LRP1B: variants seen among roughly 807,000 people sequenced by gnomAD.
LRP1B encodes the protein LDL receptor related protein 1B, also known as low-density lipoprotein receptor-related protein 1B.
In LRP1B, 217 loss-of-function variants were observed where a neutral mutation model predicts 556.6. That is an observed-to-expected ratio of 0.39 (90% CI 0.35 to 0.44). LRP1B has a LOEUF of 0.44. Among genes scored for constraint, LRP1B ranks in the 20% least tolerant of loss-of-function variants. The pLI is 1.00. For synonymous variants in LRP1B, 2,047 were observed against 1,865.8 expected, an observed-to-expected ratio of 1.10 and a Z score of -2.50; for missense variants, 5,053 against 5,620.8, an observed-to-expected ratio of 0.90 and a Z score of 3.23.
intron 32 of LRP1B, among the ~76,000 whole-genome samples, chr2:140,779,031 G>T (rs1307666715): frequency 2.6e-5 from 4 of 151,492 alleles, no homozygotes; most frequent in Admixed American, 2.6e-4. Flanking sequence ...CTAATAATAT[G>T]TGGGTTATGT....
chr2:140,828,757 T>C lies in LRP1B; in HGVS notation c.5209+11234A>G, dbSNP rs1573773704. On this transcript the variant is annotated intron_variant, in intron 31 of 90. Coordinates refer to ENST00000389484, the MANE Select transcript of LRP1B (RefSeq NM_018557.3). ...GTGAACCGAGATCGCGCCACTGCAC[T>C]CCAGCCTGGGCGACAGAGCGAGACT... is the stretch of plus-strand genomic sequence containing the variant. 4.6e-5 allele frequency among the ~76,000 whole-genome samples: 2 copies of C among 43,228 alleles called. 1 individual carries two copies. The highest frequency in any genetic ancestry group is 3.1e-3 in the South Asian group (2 of 640). 28.4% of individuals were successfully genotyped at this position (43,228 alleles called of 152,430 possible).
intron 79 of LRP1B, among the ~76,000 whole-genome samples, chr2:140,326,461 C>G (rs1266614998): frequency 6.7e-6 from 1 of 149,260 alleles, no homozygotes; most frequent in Non-Finnish European, 1.5e-5. Context: ...TGTGGTGGCT[C>G]ACGCCTGTAA....
At chr2:141,342,243 CAAAAAA>C (rs759719074) in intron 3 of LRP1B, among the ~76,000 whole-genome samples, 5 of 110,614 alleles carry the variant, frequency 4.5e-5, no homozygotes, top group African/African-American at 1.6e-4. Flanking sequence ...GACTCCATCT[CAAAAAA>C]AAAAAAAATA....
chr2:141,382,980 G>T (rs575754004), intron 3 of LRP1B, among the ~76,000 whole-genome samples: 1 of 152,254 alleles, frequency 6.6e-6, no homozygotes, highest in East Asian at 1.9e-4. Flanking sequence ...CCTTGCTTCC[G>T]ATAGAGGATC....
chr2:141,027,730 A>G (rs959745647), intron 11 of LRP1B, among the ~76,000 whole-genome samples: 1 of 152,146 alleles, frequency 6.6e-6, no homozygotes, highest in Non-Finnish European at 1.5e-5. Flanking sequence ...CCTAATTCAC[A>G]TGGTGAAATC....
At chr2:141,931,786 C>A (rs190904849) in intron 1 of LRP1B, among the ~76,000 whole-genome samples, 14 of 151,940 alleles carry the variant, frequency 9.2e-5, no homozygotes, top group Admixed American at 4.6e-4. Flanking sequence ...GCAAAAAGAA[C>A]CTGATTTCAA....
At chr2:140,819,689 T>C (rs1230093711) in intron 31 of LRP1B, among the ~76,000 whole-genome samples, 2 of 152,188 alleles carry the variant, frequency 1.3e-5, no homozygotes, top group South Asian at 2.1e-4. Context: ...AAAATTGTTA[T>C]AAACAACCTA....
chr2:140,559,217 A>G (rs1553486404), intron 43 of LRP1B, among the ~76,000 whole-genome samples: 1 of 152,044 alleles, frequency 6.6e-6, no homozygotes, highest in Non-Finnish European at 1.5e-5. Flanking sequence ...TTTTTTTTTA[A>G]CAACCGAAAA....
intron 66 of LRP1B, among the ~76,000 whole-genome samples, chr2:140,414,348 T>C (rs1685088689): frequency 6.6e-6 from 1 of 152,142 alleles, no homozygotes; most frequent in South Asian, 2.1e-4. Context: ...TACAACTAAA[T>C]CTCTGATCTA....
chr2:141,326,199 C>T (rs948750124), intron 3 of LRP1B, among the ~76,000 whole-genome samples: 1 of 151,906 alleles, frequency 6.6e-6, no homozygotes, highest in South Asian at 2.1e-4. Flanking sequence ...ATGTGCTTGT[C>T]AAGAATGGAT....
At chr2:141,620,474 C>A (rs1395638737) in intron 2 of LRP1B, among the ~76,000 whole-genome samples, 1 of 152,102 alleles carries the variant, frequency 6.6e-6, no homozygotes, top group Admixed American at 6.6e-5. Context: ...ATAGAAATGG[C>A]ATGTAGAAGA....
intron 41 of LRP1B, among the ~76,000 whole-genome samples, chr2:140,693,140 A>G (rs577325388): frequency 1.3e-4 from 20 of 152,144 alleles, no homozygotes; most frequent in Non-Finnish European, 2.6e-4. Context: ...ATTGTTTTTT[A>G]TTGGTAATAT....
intron 11 of LRP1B, among the ~76,000 whole-genome samples, chr2:141,044,960 C>T (rs1316387092): frequency 1.3e-5 from 2 of 150,448 alleles, no homozygotes; most frequent in African/African-American, 4.9e-5. Context: ...GCTATAAAGA[C>T]ACAGGCACAC....
chr2:140,687,713 A>T (rs1403504613), intron 41 of LRP1B, among the ~76,000 whole-genome samples: 1 of 152,092 alleles, frequency 6.6e-6, no homozygotes, highest in Non-Finnish European at 1.5e-5. Context: ...AAGCTTGTTT[A>T]TTCTTGCATA....
chr2:141,569,458 A>G (rs1686452498), intron 2 of LRP1B, among the ~76,000 whole-genome samples: 1 of 151,254 alleles, frequency 6.6e-6, no homozygotes, highest in East Asian at 1.9e-4. Flanking sequence ...TCTCTGAAAT[A>G]TCAGGAGAGG....
At chr2:141,986,574 C>T (rs571754452) in intron 1 of LRP1B, among the ~76,000 whole-genome samples, 2 of 152,002 alleles carry the variant, frequency 1.3e-5, no homozygotes, top group East Asian at 1.9e-4. Context: ...AATCTCTTGA[C>T]TTCTAACATA....
intron 41 of LRP1B, among the ~76,000 whole-genome samples, chr2:140,674,642 T>A (rs1685607441): frequency 6.6e-6 from 1 of 152,180 alleles, no homozygotes; most frequent in African/African-American, 2.4e-5. Context: ...TTGATTGATG[T>A]CTTATGTCTC....
chr2:141,202,452 G>A (rs911024630), intron 6 of LRP1B, among the ~76,000 whole-genome samples: 5 of 152,098 alleles, frequency 3.3e-5, no homozygotes, highest in Admixed American at 1.3e-4. Flanking sequence ...TTGCTGGGTC[G>A]AATGGTAGTT....
At chr2:140,885,715 T>G (rs533192417) in intron 24 of LRP1B, among the ~76,000 whole-genome samples, 11 of 151,986 alleles carry the variant, frequency 7.2e-5, no homozygotes, top group Middle Eastern at 3.4e-3. Flanking sequence ...AGTCAAATTA[T>G]GGCAAAAATA....
Sources: gnomAD v4.1 joint callset for allele counts (sites outside exome capture counted in the v4.1 genomes callset) on GRCh38, gnomAD v4.1.1 for gene constraint, MANE v1.5 for transcripts, NCBI Gene and HGNC (gene_info 2026-07-23, HGNC 2026-07-21) for gene names.